CD163L1: variants seen among roughly 807,000 people sequenced by gnomAD.
CD163L1 encodes CD163 molecule like 1.
In CD163L1, 124 loss-of-function variants were observed where a neutral mutation model predicts 165.4. That is an observed-to-expected ratio of 0.75 (90% CI 0.65 to 0.87). CD163L1 has a LOEUF of 0.87. Ranked by LOEUF, CD163L1 falls within the 40% of genes least tolerant of loss-of-function variation. The probability of loss-of-function intolerance (pLI) is 0.00; values close to 1 mark genes in which losing one functional copy is unlikely to be tolerated. For synonymous variants in CD163L1, 585 were observed against 662.2 expected (o/e 0.88, Z 1.79); for missense variants, 1,525 against 1,799.9 (o/e 0.85, Z 2.76).
chr12:7,324,736 A>G, the CD163L1 span: 1 of 895,270 alleles, frequency 1.1e-6, no homozygotes, highest in Non-Finnish European at 1.7e-6. Context: ...AATATAAATC[A>G]GGCAACCAAC....
the CD163L1 span, chr12:7,328,212 C>T: frequency 2.6e-6 from 3 of 1,160,414 alleles, no homozygotes; most frequent in Non-Finnish European, 3.7e-6. Flanking sequence ...GAGTTCCATG[C>T]AAGCTCCTTC....
the CD163L1 span, among the ~76,000 whole-genome samples, chr12:7,325,515 C>T: frequency 3.3e-5 from 5 of 152,070 alleles, no homozygotes; most frequent in East Asian, 1.9e-4. Context: ...GGCATGGTGG[C>T]GGGCACCTGT....
chr12:7,419,043 A>G (rs756282717), intron 4 of CD163L1, among the ~76,000 whole-genome samples: 4 of 152,196 alleles, frequency 2.6e-5, no homozygotes, highest in African/African-American at 9.6e-5. Flanking sequence ...TATCACCCTA[A>G]TACCAAAACC....
downstream of CD163L1, among the ~76,000 whole-genome samples, chr12:7,341,816 G>T (rs1565761788): frequency 6.6e-6 from 1 of 152,138 alleles, no homozygotes; most frequent in Non-Finnish European, 1.5e-5. Context: ...AGCCTATATG[G>T]AATTACCTGT....
intron 3 of CD163L1, 54 bp downstream of exon 3, chr12:7,433,320 A>C (rs1292196447): frequency 5.5e-6 from 8 of 1,465,402 alleles, no homozygotes; most frequent in Non-Finnish European, 4.6e-6. Context: ...CTTCCAGCAG[A>C]TGATTCCTGA....
the CD163L1 span, chr12:7,323,130 A>G: frequency 9.2e-7 from 1 of 1,086,056 alleles, no homozygotes; most frequent in Non-Finnish European, 1.3e-6. Context: ...GTGCGCCTGC[A>G]TACCAGGAAA....
chr12:7,424,869 A>G (rs1313248364), intron 4 of CD163L1, among the ~76,000 whole-genome samples: 1 of 152,230 alleles, frequency 6.6e-6, no homozygotes, highest in East Asian at 1.9e-4. Context: ...TTCAATGCTC[A>G]TGGATAAAAA....
At chr12:7,384,891 C>T (rs1009576877) in intron 8 of CD163L1, among the ~76,000 whole-genome samples, 1 of 151,446 alleles carries the variant, frequency 6.6e-6, no homozygotes, top group Admixed American at 6.6e-5. Context: ...ATGTTACCAC[C>T]ATAGAAAACC....
At chr12:7,419,021 C>A (rs192457362) in intron 4 of CD163L1, among the ~76,000 whole-genome samples, 164 of 152,130 alleles carry the variant, frequency 1.1e-3, no homozygotes, top group African/African-American at 3.6e-3. Flanking sequence ...GTAAATCATC[C>A]TGTGAAGCCA....
intron 18 of CD163L1, among the ~76,000 whole-genome samples, 172 bp downstream of exon 18, chr12:7,367,064 T>C (rs993025505): frequency 3.9e-5 from 6 of 152,212 alleles, no homozygotes; most frequent in Non-Finnish European, 5.9e-5. Flanking sequence ...ATTCCAGTTT[T>C]CTTAATTTTG....
rs569673960 is a variant in CD163L1 at position 7,404,937 on chromosome 12, A to AT, written c.1088-1083dup. Among the ~76,000 whole-genome samples, 118 of 152,254 alleles carry AT rather than the reference A, an allele frequency of 7.8e-4. No homozygotes were observed. In the Middle Eastern group the frequency reaches 0.01, roughly 13 times the overall value. Reference sequence around the variant, plus strand: ...GGGTCACATAATTATCAAGTGACAGATTTTAAACTGTGAAACTGTGAACTG... The same window carrying AT: ...GGGTCACATAATTATCAAGTGACAGATTTTTAAACTGTGAAACTGTGAACTG... On this transcript the variant is annotated intron_variant, in intron 5 of 19. Coordinates refer to ENST00000313599, the MANE Select transcript of CD163L1 (RefSeq NM_174941.6).
intron 4 of CD163L1, among the ~76,000 whole-genome samples, chr12:7,423,295 CA>C (rs1329899296): frequency 6.6e-6 from 1 of 152,070 alleles, no homozygotes; most frequent in Non-Finnish European, 1.5e-5. Flanking sequence ...AACAAAGAGA[CA>C]ATGCACCAGA....
At chr12:7,380,570 G>T (rs912807752) in intron 8 of CD163L1, among the ~76,000 whole-genome samples, 1 of 151,998 alleles carries the variant, frequency 6.6e-6, no homozygotes, top group African/African-American at 2.4e-5. Flanking sequence ...TAAGTGGGGG[G>T]CTAAGCTATG....
intron 8 of CD163L1, among the ~76,000 whole-genome samples, chr12:7,380,342 C>CATACATGTATGTGTGTATACGCGT (rs1947364125): frequency 2.1e-5 from 3 of 146,116 alleles, no homozygotes; most frequent in Non-Finnish European, 4.4e-5. Flanking sequence ...TACACGTATA[C>CATACATGTATGTGTGTATACGCGT]ATACATGTAT....
rs1459531526 is a variant in CD163L1, at chr12:7,369,350, C to T, written c.4039+7G>A. ...GCTCAGTTTAAGTGCAGCCTTTTCA[C>T]ACTTACCAGAGCACCTCACGCCAGC... is the stretch of plus-strand genomic sequence containing the variant. On this transcript the variant is annotated splice_region_variant and intron_variant, in intron 15 of 19. Transcript: ENST00000313599. The surrounding 1 kb of genome is among the most constrained non-coding windows in gnomAD (Gnocchi z 4.9). The T allele has an allele frequency of 6.2e-7, 1 of 1,612,436 alleles. No individual in the cohort carries two copies. Among genetic ancestry groups the T allele is most frequent in the Non-Finnish European group, 8.5e-7 (1 of 1,178,920 alleles).
At chr12:7,389,258 C>A (rs796233997) in intron 8 of CD163L1, among the ~76,000 whole-genome samples, 3 of 152,330 alleles carry the variant, frequency 2.0e-5, no homozygotes, top group African/African-American at 7.2e-5. Flanking sequence ...CACATCCTCA[C>A]CAACATTTGT....
intron 4 of CD163L1, among the ~76,000 whole-genome samples, chr12:7,407,756 T>C (rs1240309609): frequency 1.3e-5 from 2 of 150,276 alleles, no homozygotes; most frequent in Non-Finnish European, 3.0e-5. Context: ...CTTGAAGATA[T>C]GTGTATATAT....
the CD163L1 span, among the ~76,000 whole-genome samples, chr12:7,320,386 G>A: frequency 6.6e-6 from 1 of 152,172 alleles, no homozygotes; most frequent in African/African-American, 2.4e-5. Flanking sequence ...TTGGCAGGAG[G>A]TTACAAGATT....
intron 4 of CD163L1, among the ~76,000 whole-genome samples, chr12:7,409,871 C>G (rs1390271612): frequency 6.6e-6 from 1 of 152,002 alleles, no homozygotes; most frequent in Non-Finnish European, 1.5e-5. Flanking sequence ...GCATCTTACT[C>G]TCTCAGAAAT....
Sources: allele counts gnomAD v4.1 joint callset (sites outside exome capture counted in the v4.1 genomes callset), GRCh38; gene constraint gnomAD v4.1.1; non-coding constraint Gnocchi (gnomAD v3.1); transcripts MANE v1.5; gene names NCBI Gene and HGNC (gene_info 2026-07-23, HGNC 2026-07-21).